Variants in DNPEP observed in about 807,000 individuals in gnomAD.
The protein encoded by DNPEP is aspartyl aminopeptidase.
Under a neutral mutation model 59.1 loss-of-function variants are expected in DNPEP, and 46 were observed. The observed-to-expected ratio is 0.78, with a 90% CI of 0.61 to 0.99. The LOEUF is 0.99. DNPEP is among the 50% of genes least tolerant of loss of function. The pLI, the probability that DNPEP is intolerant of heterozygous loss-of-function variation, is 0.00. For missense variants in DNPEP, 617 were observed against 649.9 expected (o/e 0.95, Z 0.55); for synonymous variants, 229 against 242.2 (o/e 0.95, Z 0.50).
rs949744249 is a variant in DNPEP at position 219,386,678 on chromosome 2, C to T, written c.320G>A (p.Ser107Asn). The change falls in exon 4 of 15, where the codon AGC (serine) becomes AAC (asparagine). Residue 107 changes from serine (S) to asparagine (N), a missense_variant. By Grantham distance (46) the Ser-to-Asn change is conservative. Transcript: ENST00000273075. ...CGAGTTCCTTACCCGGAGGCAGGGGCTGTCCGTGTGGGCCCCGATGAGGCT... is the reference window on the plus strand; with the variant it reads ...CGAGTTCCTTACCCGGAGGCAGGGGTTGTCCGTGTGGGCCCCGATGAGGCT... ...GFSLIGAHTD[S>N]PCLRVKRRSR... 1.7e-5 allele frequency: 28 copies of T among 1,611,782 alleles called. No homozygotes were observed. The highest frequency in any genetic ancestry group is 2.3e-5 in the Non-Finnish European group (27 of 1,179,408).
rs1953313192 is a variant in DNPEP at position 219,374,988 on chromosome 2, G to A, written c.1274C>T (p.Thr425Ile). ...LMVRNDTPCG[T>I]TIGPILASRL... ...AGAAGCCAAGATAGGTCCAATGGTG[G>A]TTCCACAGGGGGTGTCATTCCGGAC... Residue 425 changes from threonine to isoleucine, a missense_variant, in exon 14 of 15, where the codon ACC becomes ATC. Thr to Ile is a moderately conservative substitution (Grantham distance 89). Transcript: ENST00000273075. The A allele has an allele frequency of 1.2e-6, 2 of 1,614,048 alleles. No individual in the cohort carries two copies. Among genetic ancestry groups the A allele is most frequent in the Non-Finnish European group, 1.7e-6 (2 of 1,180,056 alleles).
In DNPEP at chr2:219,374,230, C is replaced by T; in HGVS notation, c.*62G>A. On this transcript the variant is annotated 3_prime_UTR_variant, in exon 15 of 15. Coordinates refer to ENST00000273075, the MANE Select transcript of DNPEP (RefSeq NM_012100.4). ...ATCCACTTTAATAATCCAGCTTCAG[C>T]TCAGCTGAGAACTTCCCCTCTCAGG... 6.8e-7 allele frequency: 1 copy of T among 1,469,198 alleles called. No individual in the cohort carries two copies. The highest frequency in any genetic ancestry group is 9.5e-7 in the Non-Finnish European group (1 of 1,049,192). The allele number at this position is 1,469,198 out of a possible 1,614,324, so 91.0% of individuals were successfully genotyped here. A position where few individuals can be genotyped will look rare whatever the true frequency, so the allele number is the denominator to read the frequency against.
At chr2:219,388,332 C>G (rs1430352178), upstream of DNPEP, among the ~76,000 whole-genome samples, 1 of 144,092 alleles carries the variant, frequency 6.9e-6, no homozygotes, top group South Asian at 2.2e-4. Context: ...TTCGTCAGGC[C>G]TCCTTGCGCT....
chr2:219,374,905 G>C lies in DNPEP; in HGVS notation c.1357C>G (p.Arg453Gly). 6.2e-7 allele frequency: 1 copy of C among 1,614,166 alleles called. No individual in the cohort carries two copies. Residue 453 changes from arginine to glycine, a missense_variant, in exon 14 of 15, where the codon CGG becomes GGG. By Grantham distance (125) the Arg-to-Gly change is moderately radical. Coordinates refer to ENST00000273075, the MANE Select transcript of DNPEP (RefSeq NM_012100.4). ...ACTCCTGTGGTGCAGGCCATCTCCC[G>C]GATAGAGTGCATGGCCAGTTGGGGG... The part of the protein sequence containing the change: ...GSPQLAMHSI[R>G]EMACTTGVLQ...
In DNPEP at chr2:219,386,665, C is replaced by A; in HGVS notation, c.333G>T (p.Arg111=). The A allele has an allele frequency of 6.2e-7, 1 of 1,610,222 alleles. No homozygotes were observed. Among genetic ancestry groups the A allele is most frequent in the Non-Finnish European group, 8.5e-7 (1 of 1,178,732 alleles). The part of the protein sequence containing the change: ...IGAHTDSPCL[R]VKRRSRRSQV... The stretch of plus-strand genomic sequence containing the variant: ...CCCCAACACCGTCCGAGTTCCTTAC[C>A]CGGAGGCAGGGGCTGTCCGTGTGGG... Residue 111 remains arginine, a splice_region_variant and synonymous_variant, in exon 4 of 15, where the codon CGG becomes CGT. Transcript: ENST00000273075.
At chr2:219,375,289 C>G (rs1249234421) in intron 13 of DNPEP, among the ~76,000 whole-genome samples, 1 of 152,118 alleles carries the variant, frequency 6.6e-6, no homozygotes, top group Non-Finnish European at 1.5e-5. Flanking sequence ...CCTTGTCACC[C>G]TCTTGCTTAA....
In DNPEP at chr2:219,384,462, C is replaced by T; in HGVS notation, c.775-19G>A. 6.2e-7 allele frequency: 1 copy of T among 1,601,046 alleles called. No individual in the cohort carries two copies. The highest frequency in any genetic ancestry group is 1.3e-5 in the African/African-American group (1 of 74,456). Reference sequence around the variant, plus strand: ...CCAAGACCTAGAGAGGTAAGACAGTCAGCCCGACCTTCAACCCTCCACCCC... The same window carrying T: ...CCAAGACCTAGAGAGGTAAGACAGTTAGCCCGACCTTCAACCCTCCACCCC... On this transcript the variant is annotated intron_variant, in intron 8 of 14. Transcript: ENST00000273075.
rs1427970843 is a variant in DNPEP, at chr2:219,373,013, A to T, written c.*1279T>A. Among the ~76,000 whole-genome samples, 1 of 152,092 alleles carries T rather than the reference A, an allele frequency of 6.6e-6. No homozygotes were observed. The highest frequency in any genetic ancestry group is 1.5e-5 in the Non-Finnish European group (1 of 68,014). ...AAAGATTGGAAGGACACCAGTTTGC[A>T]CAATTATTTTAGTGGAAGGAAGGAG... On this transcript the variant is annotated 3_prime_UTR_variant, in exon 15 of 15. Transcript: ENST00000273075.
chr2:219,387,721 G>C (rs981025211), intron 1 of DNPEP, 38 bp downstream of exon 1: 2 of 1,607,808 alleles, frequency 1.2e-6, no homozygotes, highest in Non-Finnish European at 1.7e-6. Flanking sequence ...ACCCGGTCTG[G>C]GATCGAAATT....
chr2:219,386,966 G>A lies in DNPEP; in HGVS notation c.145C>T (p.Arg49Cys), dbSNP rs1953870841. Residue 49 changes from arginine (R) to cysteine (C), a missense_variant, in exon 3 of 15, where the codon CGC becomes TGC. Coordinates refer to ENST00000273075, the MANE Select transcript of DNPEP (RefSeq NM_012100.4). ...AAGCCAGCCTGGAGAAGGCGGTTGC[G>A]GCATTCAGCCACAGCTGTGGGAAAA... ...PSPFHAVAEC[R>C]NRLLQAGFSE... 3 of 1,613,862 alleles carry A rather than the reference G, an allele frequency of 1.9e-6. No individual in the cohort carries two copies. The highest frequency in any genetic ancestry group is 1.1e-5 in the South Asian group (1 of 91,058).
upstream of DNPEP, chr2:219,388,677 T>A (rs1953957137): frequency 4.1e-6 from 4 of 985,462 alleles, no homozygotes; most frequent in South Asian, 1.4e-4. Context: ...TCGAGGCCAA[T>A]AAAAAGCTCG....
chr2:219,387,669 C>A, intron 1 of DNPEP, 90 bp downstream of exon 1: 2 of 1,580,824 alleles, frequency 1.3e-6, no homozygotes, highest in Non-Finnish European at 1.7e-6. Flanking sequence ...CAGGCGGCCC[C>A]ACTGCAGCAC....
chr2:219,382,088 G>A lies in DNPEP; in HGVS notation c.988C>T (p.Leu330=). Residue 330 remains leucine (L), a synonymous_variant, in exon 11 of 15, where the codon CTG becomes TTG. Transcript: ENST00000273075. Reference sequence around the variant, plus strand: ...TGGCACGAGGCTGAGATCCGCCGCAGCACCAGCTCTGTCAGCAGTGACTGT... The same window carrying A: ...TGGCACGAGGCTGAGATCCGCCGCAACACCAGCTCTGTCAGCAGTGACTGT... The part of the protein sequence containing the change: ...GAQSLLTELV[L]RRISASCQHP... 6.2e-7 allele frequency: 1 copy of A among 1,613,744 alleles called. No individual in the cohort carries two copies. Among genetic ancestry groups the A allele is most frequent in the Non-Finnish European group, 8.5e-7 (1 of 1,180,024 alleles).
upstream of DNPEP, chr2:219,388,145 T>G: frequency 7.2e-6 from 1 of 139,734 alleles, no homozygotes. Context: ...GCCCTGCCCC[T>G]CGCAGGGCTG....
In DNPEP at chr2:219,374,273, G is replaced by T. The variant is rs751683872; in HGVS notation, c.*19C>A. ...CTCTCAGGTGCAAAGGGATGGCAGA[G>T]AAGTCTTTCCAAGAGGGCTCAATCC... On this transcript the variant is annotated 3_prime_UTR_variant, in exon 15 of 15. Transcript: ENST00000273075. 4 of 1,611,330 alleles carry T rather than the reference G, an allele frequency of 2.5e-6. No individual in the cohort carries two copies. The South Asian group carries it at 3.3e-5, about 13-fold the overall frequency.
chr2:219,386,786 G>A lies in DNPEP; in HGVS notation c.220-8C>T, dbSNP rs753067102. 5 of 1,612,190 alleles carry A rather than the reference G, an allele frequency of 3.1e-6. No homozygotes were observed. The highest frequency in any genetic ancestry group is 1.3e-5 in the African/African-American group (1 of 74,902). ...GTTCCTGGTCATGAAGTACTGAGGA[G>A]AAGGGGAGGAAAGACAGGGGTGTGA... On this transcript the variant is annotated splice_region_variant and splice_polypyrimidine_tract_variant and intron_variant, in intron 3 of 14. Transcript: ENST00000273075.
At position 219,381,415 on chromosome 2, in the gene DNPEP, T is replaced by C. The variant is rs747246856; in HGVS notation, c.1159A>G (p.Ser387Gly). The C allele has an allele frequency of 4.3e-6, 7 of 1,614,218 alleles. No individual in the cohort carries two copies. In the East Asian group the frequency reaches 1.6e-4, roughly 36 times the overall value. ...GCGTTTGAAGCATAGCGTTGCTTGC[T>C]GTTCACCTTGATCACGGGGCCCTGG... ...FHKGPVIKVN[S>G]KQRYASNAVS... The change falls in exon 13 of 15, where the codon AGC becomes GGC. Residue 387 changes from serine (S) to glycine (G), a missense_variant. Coordinates refer to ENST00000273075, the MANE Select transcript of DNPEP (RefSeq NM_012100.4).
intron 10 of DNPEP, 66 bp from the exon 11 acceptor site, chr2:219,382,205 G>T: frequency 6.4e-7 from 1 of 1,550,538 alleles, no homozygotes; most frequent in Non-Finnish European, 8.7e-7. Flanking sequence ...AAGCCAGTGA[G>T]AGGGGCCCAT....
At chr2:219,391,944 A>G (rs931392234), upstream of DNPEP, among the ~76,000 whole-genome samples, 8 of 152,336 alleles carry the variant, frequency 5.3e-5, no homozygotes, top group East Asian at 3.9e-4. Flanking sequence ...TGAGTGAAAA[A>G]AAAAAGCAAT....
Sources: gnomAD v4.1 joint callset for allele counts (sites outside exome capture counted in the v4.1 genomes callset) on GRCh38, gnomAD v4.1.1 for gene constraint, MANE v1.5 for transcripts, NCBI Gene and HGNC (gene_info 2026-07-23, HGNC 2026-07-21) for gene names.